TOPBP1: variants seen among roughly 807,000 people sequenced by gnomAD.
TOPBP1 encodes DNA topoisomerase II binding protein 1.
TOPBP1 carries 28 observed loss-of-function variants against 167.7 expected under a neutral mutation model. The observed-to-expected ratio is 0.17, with a 90% confidence interval of 0.12 to 0.23. The LOEUF (loss-of-function observed/expected upper bound fraction) is 0.23. Among genes scored for constraint, TOPBP1 ranks in the 10% least tolerant of loss-of-function variants. The pLI, the probability that TOPBP1 is intolerant of heterozygous loss-of-function variation, is 1.00. For synonymous variants in TOPBP1, 598 were observed against 611.4 expected, an observed-to-expected ratio of 0.98 and a Z score of 0.32; for missense variants, 1,554 against 1,809.6, an observed-to-expected ratio of 0.86 and a Z score of 2.56.
chr3:133,601,027 T>C lies in TOPBP1; in HGVS notation c.*223A>G, dbSNP rs1266149275. ...GTTTAACAGCAAGCTAGCTGAGGAG[T>C]TGTATTTTGTTGTTATTTCAGGTAA... On this transcript the variant is annotated 3_prime_UTR_variant, in exon 28 of 28. Coordinates refer to ENST00000260810, the MANE Select transcript of TOPBP1 (RefSeq NM_007027.4). 7 of 337,790 alleles carry C rather than the reference T, an allele frequency of 2.1e-5. No homozygotes were observed. The highest frequency in any genetic ancestry group is 6.6e-5 in the African/African-American group (3 of 45,622). 20.9% of individuals were successfully genotyped at this position (337,790 alleles called of 1,614,324 possible). A position where few individuals can be genotyped will look rare whatever the true frequency, so the allele number is the denominator to read the frequency against.
chr3:133,643,923 G>T, intron 11 of TOPBP1, 97 bp downstream of exon 11: 1 of 1,251,764 alleles, frequency 8.0e-7, no homozygotes, highest in Non-Finnish European at 1.1e-6. Context: ...TCCAAGCATT[G>T]ATTTACTGTA....
rs1353303647 is a variant in TOPBP1, at chr3:133,644,234, G to A, written c.1634C>T (p.Ser545Phe). The change falls in exon 11 of 28, where the codon TCT becomes TTT. Residue 545 changes from serine to phenylalanine, a missense_variant. Ser to Phe is a radical substitution (Grantham distance 155). Coordinates refer to ENST00000260810, the MANE Select transcript of TOPBP1 (RefSeq NM_007027.4). ...AAATAAGCCTTCTTCAGTAATTGTA[G>A]AAACATCAGGGACACAATGACTGAC... Reference protein sequence around the residue: ...SSVSHCVPDVSTITEEGLFSQ... With the variant: ...SSVSHCVPDVFTITEEGLFSQ... The A allele has an allele frequency of 6.2e-7, 1 of 1,613,728 alleles. No individual in the cohort carries two copies. The highest frequency in any genetic ancestry group is 1.3e-5 in the African/African-American group (1 of 74,916).
At chr3:133,613,384 T>C (rs886505893) in intron 23 of TOPBP1, among the ~76,000 whole-genome samples, 6 of 152,182 alleles carry the variant, frequency 3.9e-5, no homozygotes, top group African/African-American at 4.8e-5. Flanking sequence ...CAAAAAGAAA[T>C]AGAACATAAA....
intron 2 of TOPBP1, 50 bp from the exon 3 acceptor site, chr3:133,659,200 T>G: frequency 6.8e-7 from 1 of 1,472,662 alleles, no homozygotes; most frequent in Admixed American, 2.4e-5. Context: ...TCTCCTGTAT[T>G]TAGGTCCTAT....
chr3:133,601,819 CTTATTA>C (rs1175105624), intron 27 of TOPBP1, among the ~76,000 whole-genome samples: 1 of 152,162 alleles, frequency 6.6e-6, no homozygotes, highest in Non-Finnish European at 1.5e-5. Flanking sequence ...TCTTTTCCTC[CTTATTA>C]TAAGTGTAAT....
At chr3:133,655,704 C>A (rs889786401) in intron 5 of TOPBP1, among the ~76,000 whole-genome samples, 1 of 152,068 alleles carries the variant, frequency 6.6e-6, no homozygotes, top group African/African-American at 2.4e-5. Context: ...CTCTCAAAAC[C>A]ATTTTAAGGG....
chr3:133,618,337 C>T lies in TOPBP1; in HGVS notation c.3468G>A (p.Arg1156=), dbSNP rs540541917. The T allele has an allele frequency of 1.2e-6, 2 of 1,613,970 alleles. No homozygotes were observed. Among genetic ancestry groups the T allele is most frequent in the African/African-American group, 1.3e-5 (1 of 75,048 alleles). The change falls in exon 21 of 28, where the codon AGG becomes AGA. Residue 1156 remains arginine (R), a synonymous_variant. Transcript: ENST00000260810. The stretch of plus-strand genomic sequence containing the variant: ...TAGGCCACTGCAAATTGCTGGCAAG[C>T]CTTGCTCTCTCCTCCCTTGCTGTAG... ...DDPTAREERA[R]LASNLQWPSC... is the part of the protein sequence containing the mutation.
At chr3:133,621,509 T>G (rs1026109453) in intron 19 of TOPBP1, among the ~76,000 whole-genome samples, 1 of 152,220 alleles carries the variant, frequency 6.6e-6, no homozygotes, top group Non-Finnish European at 1.5e-5. Flanking sequence ...GCATTAGGTA[T>G]TATAAGTAAT....
intron 14 of TOPBP1, 23 bp from the exon 15 acceptor site, chr3:133,628,756 G>A: frequency 2.6e-6 from 4 of 1,547,076 alleles, no homozygotes; most frequent in Non-Finnish European, 3.5e-6. Context: ...AGGAGAGAGA[G>A]AGATGGAGAA....
At chr3:133,643,400 C>T in intron 11 of TOPBP1, 28 bp from the exon 12 acceptor site, 1 of 1,533,436 alleles carries the variant, frequency 6.5e-7, no homozygotes. Context: ...AATAGTAAAG[C>T]CAACCTGAAA....
intron 16 of TOPBP1, 151 bp downstream of exon 16, chr3:133,628,211 G>T: frequency 1.5e-6 from 1 of 688,538 alleles, no homozygotes; most frequent in Non-Finnish European, 2.4e-6. Context: ...ATTTTCAACA[G>T]ATGTGGTAAA....
Position 133,649,364 on chromosome 3 carries a change from C to A in TOPBP1, c.1504+19G>T, listed in dbSNP as rs1363021281. Reference sequence around the variant, plus strand: ...AAATATTTCTTACTAACTACAAATACTAATCAAGCATTTCTTACCTACTGT... The same window carrying A: ...AAATATTTCTTACTAACTACAAATAATAATCAAGCATTTCTTACCTACTGT... On this transcript the variant is annotated intron_variant, in intron 10 of 27. Transcript: ENST00000260810. 1 of 1,606,706 alleles carries A rather than the reference C, an allele frequency of 6.2e-7. No individual in the cohort carries two copies. The highest frequency in any genetic ancestry group is 2.2e-5 in the East Asian group (1 of 44,824).
chr3:133,615,022 C>T (rs1336868648), intron 23 of TOPBP1, among the ~76,000 whole-genome samples: 1 of 148,164 alleles, frequency 6.7e-6, no homozygotes, highest in Non-Finnish European at 1.5e-5. Flanking sequence ...GAGCTTCACC[C>T]GCAAAAAAAA....
chr3:133,643,133 T>A, intron 12 of TOPBP1, 67 bp downstream of exon 12: 2 of 1,396,822 alleles, frequency 1.4e-6, no homozygotes, highest in Non-Finnish European at 1.9e-6. Context: ...ATTTGAATGC[T>A]CTCCAAGAAG....
At chr3:133,615,426 G>A (rs1015812501) in intron 23 of TOPBP1, among the ~76,000 whole-genome samples, 2 of 152,194 alleles carry the variant, frequency 1.3e-5, no homozygotes, top group Non-Finnish European at 2.9e-5. Flanking sequence ...GCAGTGAGCT[G>A]AGATTGTGCC....
intron 14 of TOPBP1, among the ~76,000 whole-genome samples, chr3:133,630,274 A>G (rs73213449): frequency 0.02 from 2,915 of 146,790 alleles, 63 homozygotes; most frequent in Middle Eastern, 0.072. Context: ...TTTTCAATTT[A>G]TCATTTGTCA....
intron 14 of TOPBP1, among the ~76,000 whole-genome samples, chr3:133,628,943 T>C (rs1935368894): frequency 6.6e-6 from 1 of 152,186 alleles, no homozygotes; most frequent in African/African-American, 2.4e-5. Flanking sequence ...CAAATCCATA[T>C]ACTGTGAACA....
intron 27 of TOPBP1, among the ~76,000 whole-genome samples, chr3:133,601,943 C>T (rs114023401): frequency 0.017 from 2,528 of 152,296 alleles, 51 homozygotes; most frequent in Non-Finnish European, 0.025. Context: ...ATAACAGCTA[C>T]AAATTCTGAC....
chr3:133,614,877 A>G (rs1934808372), intron 23 of TOPBP1, among the ~76,000 whole-genome samples: 2 of 151,900 alleles, frequency 1.3e-5, no homozygotes. Context: ...ACCTAATGAA[A>G]ATGACAAGTT....
Sources: gnomAD v4.1 joint callset for allele counts (sites outside exome capture counted in the v4.1 genomes callset) on GRCh38, gnomAD v4.1.1 for gene constraint, MANE v1.5 for transcripts, NCBI Gene and HGNC (gene_info 2026-07-23, HGNC 2026-07-21) for gene names.